DCDC2C: variants seen among roughly 807,000 people sequenced by gnomAD.
The protein encoded by DCDC2C is doublecortin domain containing 2C.
In DCDC2C, 44 loss-of-function variants were observed where a neutral mutation model predicts 45.0. The observed-to-expected ratio is 0.98, with a 90% CI of 0.77 to 1.26. The LOEUF (loss-of-function observed/expected upper bound fraction) is 1.26. Among genes scored for constraint, DCDC2C ranks in the 50% most tolerant of loss-of-function variants. DCDC2C has a pLI of 0.00. For missense variants in DCDC2C, 447 were observed against 468.9 expected (o/e 0.95, Z 0.43); for synonymous variants, 187 against 178.8 (o/e 1.05, Z -0.37).
intron 3 of DCDC2C, 117 bp downstream of exon 3, chr2:3,727,196 C>A (rs1668714434): frequency 2.6e-6 from 2 of 784,000 alleles, no homozygotes; most frequent in South Asian, 1.7e-5. Flanking sequence ...CCCTCCCCTC[C>A]CCCTGCTCTC....
Position 3,769,180 on chromosome 2 carries a change from C to G in DCDC2C, c.854-131C>G, listed in dbSNP as rs905978724. 3 of 756,364 alleles carry G rather than the reference C, an allele frequency of 4.0e-6. No individual in the cohort carries two copies. The African/African-American group carries it at 5.2e-5, about 13-fold the overall frequency. The allele number at this position is 756,364 out of a possible 1,614,324, so 46.9% of individuals were successfully genotyped here. On this transcript the variant is annotated intron_variant, in intron 7 of 10. Coordinates refer to ENST00000399143, the MANE Select transcript of DCDC2C (RefSeq NM_001287444.2). Reference sequence around the variant, plus strand: ...GGGGTGAGGCGGACGGGGTTTGGGACTGCAGACCAGGTGGCCTGCCCGAAG... The same window carrying G: ...GGGGTGAGGCGGACGGGGTTTGGGAGTGCAGACCAGGTGGCCTGCCCGAAG...
At chr2:3,712,478 C>T (rs796759672) in intron 2 of DCDC2C, among the ~76,000 whole-genome samples, 7 of 136,654 alleles carry the variant, frequency 5.1e-5, no homozygotes, top group African/African-American at 2.1e-4. Flanking sequence ...CCAGCAAGAC[C>T]CTATCTCTAC....
intron 10 of DCDC2C, among the ~76,000 whole-genome samples, chr2:3,796,836 T>G (rs1181523823): frequency 1.3e-5 from 2 of 151,696 alleles, no homozygotes; most frequent in African/African-American, 2.4e-5. Context: ...TTCTCTTTTT[T>G]GGTTGTGTCT....
chr2:3,836,731 G>A (rs1356793841), intron 10 of DCDC2C, among the ~76,000 whole-genome samples: 3 of 151,980 alleles, frequency 2.0e-5, no homozygotes, highest in African/African-American at 7.2e-5. Context: ...GCACGGTGGC[G>A]GGCACCTGTA....
intron 10 of DCDC2C, among the ~76,000 whole-genome samples, chr2:3,813,732 CTTT>C (rs3067128): frequency 2.4e-4 from 24 of 99,128 alleles, no homozygotes; most frequent in South Asian, 4.0e-4. Context: ...GCAACCCCTG[CTTT>C]TTTTTTTTTT....
chr2:3,845,219 T>C (rs1672299808), intron 10 of DCDC2C, among the ~76,000 whole-genome samples: 3 of 152,176 alleles, frequency 2.0e-5, no homozygotes, highest in Admixed American at 2.0e-4. Context: ...TTACTTACCA[T>C]AAGCAGAACC....
At chr2:3,814,158 C>A (rs1017133003) in intron 10 of DCDC2C, among the ~76,000 whole-genome samples, 6 of 152,160 alleles carry the variant, frequency 3.9e-5, no homozygotes, top group African/African-American at 1.4e-4. Flanking sequence ...TTTGGTACTC[C>A]AGTCAATTGT....
intron 10 of DCDC2C, among the ~76,000 whole-genome samples, chr2:3,830,646 C>G (rs142339878): frequency 6.6e-6 from 1 of 152,282 alleles, no homozygotes; most frequent in Non-Finnish European, 1.5e-5. Context: ...CGACCCCACT[C>G]CATGTGGCTG....
chr2:3,757,285 A>C (rs574301705), intron 6 of DCDC2C, among the ~76,000 whole-genome samples: 197 of 152,234 alleles, frequency 1.3e-3, no homozygotes, highest in Non-Finnish European at 2.2e-3. Context: ...ATCTTTTTGG[A>C]AAAGAAGGTA....
In DCDC2C at chr2:3,778,155, G is replaced by A. The variant is rs535926671; in HGVS notation, c.955-661G>A. On this transcript the variant is annotated intron_variant, in intron 8 of 10. Transcript: ENST00000399143. ...ACAGGAGGCGCCGGGGCCTCCATCA[G>A]TGGGTTTCCTGAGTGGCTGTGTGGA... is the stretch of plus-strand genomic sequence containing the variant. Among the ~76,000 whole-genome samples the A allele has an allele frequency of 3.9e-5, 6 of 152,148 alleles. No homozygotes were observed. In the South Asian group the frequency reaches 1.0e-3, roughly 26 times the overall value.
intron 10 of DCDC2C, among the ~76,000 whole-genome samples, chr2:3,807,596 C>T (rs1671284319): frequency 6.6e-6 from 1 of 151,956 alleles, no homozygotes; most frequent in Admixed American, 6.6e-5. Context: ...ATAATTTATA[C>T]ACAGTAGAAT....
At chr2:3,748,920 G>A (rs1046026626) in intron 4 of DCDC2C, among the ~76,000 whole-genome samples, 1 of 152,158 alleles carries the variant, frequency 6.6e-6, no homozygotes, top group Admixed American at 6.5e-5. Context: ...TGGAGTCCAG[G>A]GTTCAGGGTA....
At chr2:3,736,620 C>T (rs1202853908) in intron 3 of DCDC2C, among the ~76,000 whole-genome samples, 2 of 152,176 alleles carry the variant, frequency 1.3e-5, no homozygotes, top group Non-Finnish European at 2.9e-5. Flanking sequence ...CAGCAAATGT[C>T]CAGACCCAAA....
intron 8 of DCDC2C, 116 bp downstream of exon 8, chr2:3,769,527 T>C (rs1275868060): frequency 1.1e-6 from 1 of 905,130 alleles, no homozygotes; most frequent in Non-Finnish European, 1.7e-6. Flanking sequence ...TCTAGAATGT[T>C]CTGTGTTCCT....
intron 10 of DCDC2C, among the ~76,000 whole-genome samples, chr2:3,787,200 A>G (rs1670679289): frequency 6.6e-6 from 1 of 152,220 alleles, no homozygotes; most frequent in South Asian, 2.1e-4. Context: ...AGCATTTATC[A>G]CTTGTTTGGC....
In DCDC2C at chr2:3,720,258, C is replaced by G. The variant is rs78628754; in HGVS notation, c.340-6745C>G. On this transcript the variant is annotated intron_variant, in intron 2 of 10. Coordinates refer to ENST00000399143, the MANE Select transcript of DCDC2C (RefSeq NM_001287444.2). Reference sequence around the variant, plus strand: ...AAGGGTCTGTGAGGACGTAGCAAAACGTTGTGGTTTGAAGCAAGAGTCAGC... The same window carrying G: ...AAGGGTCTGTGAGGACGTAGCAAAAGGTTGTGGTTTGAAGCAAGAGTCAGC... Among the ~76,000 whole-genome samples, 744 of 152,256 alleles carry G rather than the reference C, an allele frequency of 4.9e-3. 23 individuals carry two copies. The East Asian group carries it at 0.1, about 21-fold the overall frequency.
At chr2:3,719,416 G>A (rs557713658) in intron 2 of DCDC2C, among the ~76,000 whole-genome samples, 1 of 152,122 alleles carries the variant, frequency 6.6e-6, no homozygotes, top group Admixed American at 6.5e-5. Flanking sequence ...GCTCTTTCCC[G>A]CTGCCTCCCA....
At chr2:3,705,187 G>A (rs112744281) in intron 1 of DCDC2C, among the ~76,000 whole-genome samples, 1,660 of 152,298 alleles carry the variant, frequency 0.011, 26 homozygotes, top group African/African-American at 0.038. Context: ...CTGGTGTATG[G>A]TTCCAAATTC....
chr2:3,806,838 C>T (rs994252079), intron 10 of DCDC2C, among the ~76,000 whole-genome samples: 2 of 152,108 alleles, frequency 1.3e-5, no homozygotes, highest in East Asian at 1.9e-4. Flanking sequence ...TGAGCCACTG[C>T]GCCTGGCCCA....
Sources: allele counts gnomAD v4.1 joint callset (sites outside exome capture counted in the v4.1 genomes callset), GRCh38; gene constraint gnomAD v4.1.1; transcripts MANE v1.5; gene names NCBI Gene and HGNC (gene_info 2026-07-23, HGNC 2026-07-21).